The following TMEM170B variants were observed in gnomAD, a reference collection of about 807,000 sequenced individuals.
The protein encoded by TMEM170B is transmembrane protein 170B.
In TMEM170B, 6 loss-of-function variants were observed where a neutral mutation model predicts 13.0. The observed-to-expected ratio is 0.46, with a 90% CI of 0.25 to 0.91. The LOEUF (loss-of-function observed/expected upper bound fraction) is 0.91, where lower values mean the gene tolerates loss of function less well. Among genes scored for constraint, TMEM170B ranks in the 40% least tolerant of loss-of-function variants. The pLI is 0.17. For synonymous variants in TMEM170B, 61 were observed against 64.9 expected (o/e 0.94, Z 0.29); for missense variants, 138 against 165.2 (o/e 0.84, Z 0.90).
intron 1 of TMEM170B, among the ~76,000 whole-genome samples, chr6:11,555,431 T>C (rs142178241): frequency 0.01 from 1,592 of 152,246 alleles, 10 homozygotes; most frequent in Middle Eastern, 0.02. Flanking sequence ...GTATTTATCT[T>C]AGGATTCTGT....
Position 11,575,654 on chromosome 6 carries a change from A to C in TMEM170B, c.*93A>C, listed in dbSNP as rs537774573. ...TTAACAAGTGGAAATGAAATTGTGC[A>C]AGAATGTGGACTGAGCAGGTCAAAG... On this transcript the variant is annotated 3_prime_UTR_variant, in exon 3 of 3. Transcript: ENST00000379426. The surrounding 1 kb of genome is among the most constrained non-coding windows in gnomAD (Gnocchi z 4.1). The C allele has an allele frequency of 2.0e-5, 30 of 1,496,198 alleles. No homozygotes were observed. The South Asian group carries it at 2.7e-4, about 13-fold the overall frequency. 92.7% of individuals were successfully genotyped at this position (1,496,198 alleles called of 1,614,324 possible).
In TMEM170B at chr6:11,575,324, T is replaced by A. The variant is rs1319918576; in HGVS notation, c.269-107T>A. ...GAAAGTGGATAAAATGAGAAAAAAA[T>A]GATGACTTATGTTTTGATGAAATGA... is the stretch of plus-strand genomic sequence containing the variant. On this transcript the variant is annotated intron_variant, in intron 2 of 2. Transcript: ENST00000379426. The surrounding 1 kb of genome is among the most constrained non-coding windows in gnomAD (Gnocchi z 4.1). The A allele has an allele frequency of 7.1e-7, 1 of 1,408,466 alleles. No individual in the cohort carries two copies. The highest frequency in any genetic ancestry group is 9.6e-7 in the Non-Finnish European group (1 of 1,040,168). The allele number at this position is 1,408,466 out of a possible 1,614,324, so 87.2% of individuals were successfully genotyped here. A position where few individuals can be genotyped will look rare whatever the true frequency, so the allele number is the denominator to read the frequency against.
chr6:11,579,907 A>ATG lies in TMEM170B; in HGVS notation c.*4346_*4347insTG, dbSNP rs1462794994. The ATG allele has an allele frequency of 1.3e-5, 2 of 152,226 alleles. No individual in the cohort carries two copies. The highest frequency in any genetic ancestry group is 2.9e-5 in the Non-Finnish European group (2 of 68,062). The allele number at this position is 152,226 out of a possible 1,614,324, so 9.4% of individuals were successfully genotyped here. A position where few individuals can be genotyped will look rare whatever the true frequency, so the allele number is the denominator to read the frequency against. On this transcript the variant is annotated 3_prime_UTR_variant, in exon 3 of 3. Transcript: ENST00000379426. ...CTGCCGGCCCTGGGCCCTTGGCTCT[A>ATG]CAGTGTAGTGCCAATTCTGTAGAAA...
chr6:11,551,326 G>A (rs1246486701), intron 1 of TMEM170B, among the ~76,000 whole-genome samples: 6 of 152,146 alleles, frequency 3.9e-5, no homozygotes. Context: ...TATTCTATTG[G>A]TCATACACAG....
Position 11,575,333 on chromosome 6 carries a change from A to G in TMEM170B, c.269-98A>G. ...TAAAATGAGAAAAAAATGATGACTT[A>G]TGTTTTGATGAAATGAAAAGAGCTC... On this transcript the variant is annotated intron_variant, in intron 2 of 2. Coordinates refer to ENST00000379426, the MANE Select transcript of TMEM170B (RefSeq NM_001100829.3). The surrounding 1 kb of genome is among the most constrained non-coding windows in gnomAD (Gnocchi z 4.1). The G allele has an allele frequency of 6.9e-7, 1 of 1,450,004 alleles. No individual in the cohort carries two copies. Among genetic ancestry groups the G allele is most frequent in the South Asian group, 1.3e-5 (1 of 75,420 alleles). The allele number at this position is 1,450,004 out of a possible 1,614,324, so 89.8% of individuals were successfully genotyped here.
intron 1 of TMEM170B, among the ~76,000 whole-genome samples, chr6:11,544,432 T>G (rs1309071644): frequency 6.6e-6 from 1 of 152,182 alleles, no homozygotes; most frequent in Non-Finnish European, 1.5e-5. Context: ...CTGGTAAGTG[T>G]TTGCATCAGT....
rs1353395770 is a variant in TMEM170B, at chr6:11,538,220, G to T, written c.-58G>T. On this transcript the variant is annotated 5_prime_UTR_variant, in exon 1 of 3. Transcript: ENST00000379426. ...CACCCGCCGCCGCCCCCCGAGCCTC[G>T]CAGCCGCCGCCGCCGCCCGGCACCC... The T allele has an allele frequency of 7.2e-6, 7 of 971,732 alleles. No individual in the cohort carries two copies. Among genetic ancestry groups the T allele is most frequent in the African/African-American group, 1.7e-5 (1 of 57,554 alleles). The allele number at this position is 971,732 out of a possible 1,614,324, so 60.2% of individuals were successfully genotyped here.
chr6:11,546,909 G>C (rs149026328), intron 1 of TMEM170B, among the ~76,000 whole-genome samples: 1,625 of 152,276 alleles, frequency 0.011, 11 homozygotes, highest in Middle Eastern at 0.02. Flanking sequence ...ATGCATACCT[G>C]TGATAAAGTT....
chr6:11,550,819 T>G (rs1330001525), intron 1 of TMEM170B, among the ~76,000 whole-genome samples: 2 of 152,172 alleles, frequency 1.3e-5, no homozygotes, highest in Non-Finnish European at 2.9e-5. Context: ...TGCAGTTCAG[T>G]TGAGCAAACA....
At position 11,580,957 on chromosome 6, in the gene TMEM170B, G is replaced by A. The variant is rs1368835139; in HGVS notation, c.*5396G>A. ...CAGGTTTGCTCTTCTCACTTAAGGAGCTCTGGTCTGTGTAGGCAGTACAGT... is the reference window on the plus strand; with the variant it reads ...CAGGTTTGCTCTTCTCACTTAAGGAACTCTGGTCTGTGTAGGCAGTACAGT... On this transcript the variant is annotated 3_prime_UTR_variant, in exon 3 of 3. Transcript: ENST00000379426. 6.6e-6 allele frequency: 1 copy of A among 152,194 alleles called. No individual in the cohort carries two copies. Among genetic ancestry groups the A allele is most frequent in the Non-Finnish European group, 1.5e-5 (1 of 68,034 alleles). The allele number at this position is 152,194 out of a possible 1,614,324, so 9.4% of individuals were successfully genotyped here.
Position 11,575,481 on chromosome 6 carries a change from T to G in TMEM170B, c.319T>G (p.Leu107Val). The G allele has an allele frequency of 6.2e-7, 1 of 1,613,498 alleles. No individual in the cohort carries two copies. The highest frequency in any genetic ancestry group is 8.5e-7 in the Non-Finnish European group (1 of 1,179,584). ...AGTAGCTGGGAAGAACATGGCCCCTTTGGAAGCGCTGGTATGGGGCGTTGG... is the reference window on the plus strand; with the variant it reads ...AGTAGCTGGGAAGAACATGGCCCCTGTGGAAGCGCTGGTATGGGGCGTTGG... ...YRVAGKNMAP[L>V]EALVWGVGQT... The change falls in exon 3 of 3, where the codon TTG becomes GTG. Residue 107 changes from leucine (L) to valine (V), a missense_variant. Coordinates refer to ENST00000379426, the MANE Select transcript of TMEM170B (RefSeq NM_001100829.3). The surrounding 1 kb of genome is among the most constrained non-coding windows in gnomAD (Gnocchi z 4.1).
rs760853308 is a variant in TMEM170B, at chr6:11,578,350, AT to A, written c.*2790del. On this transcript the variant is annotated 3_prime_UTR_variant, in exon 3 of 3. Coordinates refer to ENST00000379426, the MANE Select transcript of TMEM170B (RefSeq NM_001100829.3). ...TGCAAGAAGGGAGGGAGGATCCTCT[AT>A]AGTGGACACTCCTTTATTTAAAAAA... 5.3e-5 allele frequency: 8 copies of A among 152,186 alleles called. No individual in the cohort carries two copies. The highest frequency in any genetic ancestry group is 1.0e-4 in the Non-Finnish European group (7 of 68,008). The allele number at this position is 152,186 out of a possible 1,614,324, so 9.4% of individuals were successfully genotyped here.
intron 1 of TMEM170B, among the ~76,000 whole-genome samples, chr6:11,552,491 A>G (rs1023836150): frequency 3.3e-5 from 5 of 152,248 alleles, no homozygotes; most frequent in Non-Finnish European, 7.3e-5. Context: ...TAGTTTTATC[A>G]GCAATATCAA....
intron 1 of TMEM170B, among the ~76,000 whole-genome samples, chr6:11,548,688 G>T (rs1417139508): frequency 6.6e-6 from 1 of 152,120 alleles, no homozygotes; most frequent in Non-Finnish European, 1.5e-5. Context: ...GTCCATCAAT[G>T]ATAGACTGGA....
Position 11,575,608 on chromosome 6 carries a change from G to T in TMEM170B, c.*47G>T. On this transcript the variant is annotated 3_prime_UTR_variant, in exon 3 of 3. Transcript: ENST00000379426. The surrounding 1 kb of genome is among the most constrained non-coding windows in gnomAD (Gnocchi z 4.1). The stretch of plus-strand genomic sequence containing the variant: ...CTTCACATAAGGAAACAGATGTACA[G>T]ATTCCCTGAAAACGGCATTGTTAAC... The T allele has an allele frequency of 6.2e-7, 1 of 1,603,824 alleles. No homozygotes were observed. The highest frequency in any genetic ancestry group is 1.7e-5 in the Admixed American group (1 of 59,612).
At chr6:11,541,577 A>G (rs1487403086) in intron 1 of TMEM170B, among the ~76,000 whole-genome samples, 1 of 152,186 alleles carries the variant, frequency 6.6e-6, no homozygotes, top group South Asian at 2.1e-4. Flanking sequence ...AACTTTCTTC[A>G]TATCAGAGAG....
At chr6:11,538,417 C>T in intron 1 of TMEM170B, 43 bp downstream of exon 1, 1 of 1,389,010 alleles carries the variant, frequency 7.2e-7, no homozygotes. Flanking sequence ...GCGGTCCGCC[C>T]CTCTCCTGTC....
At chr6:11,573,793 A>G (rs996215234) in intron 2 of TMEM170B, among the ~76,000 whole-genome samples, 4 of 152,182 alleles carry the variant, frequency 2.6e-5, no homozygotes, top group Non-Finnish European at 5.9e-5. Context: ...TAAATCTAGG[A>G]TGAATCCAAA....
rs572705109 is a variant in TMEM170B at position 11,567,248 on chromosome 6, C to CAA, written c.268+1412_268+1413insAA. Among the ~76,000 whole-genome samples, 938 of 152,302 alleles carry CAA rather than the reference C, an allele frequency of 6.2e-3. 26 individuals carry two copies. In the East Asian group the frequency reaches 0.088, roughly 14 times the overall value. On this transcript the variant is annotated intron_variant, in intron 2 of 2. Coordinates refer to ENST00000379426, the MANE Select transcript of TMEM170B (RefSeq NM_001100829.3). ...TTGCTTAGTGTGGTTGTGCCAGGAA[C>CAA]CGGGTGCCTCTCTGAGCTGCTGTTG...
Sources: gnomAD v4.1 joint callset for allele counts (sites outside exome capture counted in the v4.1 genomes callset) on GRCh38, gnomAD v4.1.1 for gene constraint, Gnocchi (gnomAD v3.1) non-coding constraint, MANE v1.5 for transcripts, NCBI Gene and HGNC (gene_info 2026-07-23, HGNC 2026-07-21) for gene names.